The following ARHGAP18 variants were observed in gnomAD, a reference collection of about 807,000 sequenced individuals.
ARHGAP18 encodes rho GTPase-activating protein 18.
Under a neutral mutation model 86.2 loss-of-function variants are expected in ARHGAP18, and 67 were observed. The ratio of observed to expected loss-of-function variants is 0.78; its 90% CI spans 0.64 to 0.95. The LOEUF is 0.95. Ranked by LOEUF, ARHGAP18 falls within the 40% of genes least tolerant of loss-of-function variation. The pLI is 0.00. For synonymous variants in ARHGAP18, 283 were observed against 280.4 expected (o/e 1.01, Z -0.09); for missense variants, 691 against 780.4 (o/e 0.89, Z 1.37).
intron 1 of ARHGAP18, among the ~76,000 whole-genome samples, chr6:129,649,662 A>G (rs1026393110): frequency 2.0e-5 from 3 of 150,744 alleles, no homozygotes; most frequent in African/African-American, 7.3e-5. Flanking sequence ...CACTTTTGAC[A>G]GTGGGTAGAA....
In ARHGAP18 at chr6:129,710,051, G is replaced by A. The variant is rs748659488; in HGVS notation, c.86C>T (p.Ala29Val). ...CGAGGTGGCTTCCTCCCCTGCCTTT[G>A]CATGGCTGTTCCCGACGGTCTGGTC... ...GKDQTVGNSH[A>V]KAGEEATSSR... The change falls in exon 1 of 15, where the codon GCA becomes GTA. Residue 29 changes from alanine to valine, a missense_variant. By Grantham distance (64) the Ala-to-Val change is moderately conservative (BLOSUM62 0). Transcript: ENST00000368149. The A allele has an allele frequency of 2.5e-6, 4 of 1,614,094 alleles. No homozygotes were observed. In the South Asian group the frequency reaches 4.4e-5, roughly 18 times the overall value.
At chr6:129,675,809 C>T (rs1056144537) in intron 1 of ARHGAP18, among the ~76,000 whole-genome samples, 1 of 152,154 alleles carries the variant, frequency 6.6e-6, no homozygotes, top group Non-Finnish European at 1.5e-5. Context: ...CCTGAGCTGT[C>T]AATCAAATAG....
chr6:129,606,667 A>G (rs956732853), intron 9 of ARHGAP18, among the ~76,000 whole-genome samples: 1 of 152,206 alleles, frequency 6.6e-6, no homozygotes, highest in Non-Finnish European at 1.5e-5. Context: ...TTCCCACAGA[A>G]GGTAATTTAT....
At chr6:129,677,120 C>T (rs183605753) in intron 1 of ARHGAP18, among the ~76,000 whole-genome samples, 9 of 151,914 alleles carry the variant, frequency 5.9e-5, no homozygotes, top group African/African-American at 1.9e-4. Flanking sequence ...TGGCCGGGCG[C>T]GGTGGCTCAC....
At chr6:129,701,493 C>A (rs12197210) in intron 1 of ARHGAP18, among the ~76,000 whole-genome samples, 1 of 152,092 alleles carries the variant, frequency 6.6e-6, no homozygotes, top group African/African-American at 2.4e-5. Context: ...AAATTAAGGC[C>A]GGGCGCGGTG....
chr6:129,677,144 G>A (rs1194729490), intron 1 of ARHGAP18, among the ~76,000 whole-genome samples: 3 of 151,994 alleles, frequency 2.0e-5, no homozygotes, highest in South Asian at 4.1e-4. Flanking sequence ...TGTAATCCCA[G>A]CACTTTGGGA....
rs534842831 is a variant in ARHGAP18 at position 129,588,663 on chromosome 6, T to C, written c.1714-4551A>G. 3.3e-5 allele frequency among the ~76,000 whole-genome samples: 5 copies of C among 152,314 alleles called. No individual in the cohort carries two copies. The South Asian group carries it at 6.2e-4, about 19-fold the overall frequency. Reference sequence around the variant, plus strand: ...CTGAAGGACAATGGCCCTCCTCTTATAGCTCCACTAGGCAGTGTCCCAGTG... The same window carrying C: ...CTGAAGGACAATGGCCCTCCTCTTACAGCTCCACTAGGCAGTGTCCCAGTG... On this transcript the variant is annotated intron_variant, in intron 12 of 14. Coordinates refer to ENST00000368149, the MANE Select transcript of ARHGAP18 (RefSeq NM_033515.3).
intron 12 of ARHGAP18, among the ~76,000 whole-genome samples, chr6:129,589,043 A>G (rs1344773707): frequency 1.3e-5 from 2 of 152,160 alleles, no homozygotes; most frequent in African/African-American, 4.8e-5. Context: ...ACAGCAAACC[A>G]GTTCTCCCTC....
chr6:129,604,831 A>G (rs1788820100), intron 10 of ARHGAP18, among the ~76,000 whole-genome samples: 1 of 152,228 alleles, frequency 6.6e-6, no homozygotes, highest in African/African-American at 2.4e-5. Flanking sequence ...TAGCGGACGT[A>G]GCGTTTTACC....
At chr6:129,674,794 AG>A (rs1350914580) in intron 1 of ARHGAP18, among the ~76,000 whole-genome samples, 1 of 152,186 alleles carries the variant, frequency 6.6e-6, no homozygotes, top group African/African-American at 2.4e-5. Flanking sequence ...GTTTATGTTT[AG>A]TTAGCCCCTC....
chr6:129,638,703 T>C, intron 2 of ARHGAP18, 74 bp from the exon 3 acceptor site: 1 of 1,392,858 alleles, frequency 7.2e-7, no homozygotes, highest in Non-Finnish European at 9.8e-7. Context: ...CTGTTAAAAA[T>C]TCTTACTAAA....
chr6:129,594,746 A>T (rs972251108), intron 12 of ARHGAP18, among the ~76,000 whole-genome samples: 2 of 152,002 alleles, frequency 1.3e-5, no homozygotes, highest in African/African-American at 4.8e-5. Flanking sequence ...TTCACATCCA[A>T]CCAGTATCCA....
At chr6:129,609,757 C>T (rs2114459475) in intron 8 of ARHGAP18, among the ~76,000 whole-genome samples, 1 of 152,052 alleles carries the variant, frequency 6.6e-6, no homozygotes, top group South Asian at 2.1e-4. Context: ...GACACCAAAC[C>T]CAGGGGACAC....
intron 1 of ARHGAP18, among the ~76,000 whole-genome samples, chr6:129,685,335 C>T (rs1774406155): frequency 6.6e-6 from 1 of 151,904 alleles, no homozygotes; most frequent in Admixed American, 6.6e-5. Context: ...GGTAAAAACT[C>T]ATCTCTACTA....
At chr6:129,630,837 C>T (rs1773188045) in intron 4 of ARHGAP18, among the ~76,000 whole-genome samples, 1 of 152,064 alleles carries the variant, frequency 6.6e-6, no homozygotes, top group Admixed American at 6.6e-5. Context: ...GCAGTTTGTC[C>T]CTGACCTTGC....
intron 12 of ARHGAP18, among the ~76,000 whole-genome samples, chr6:129,597,351 G>T (rs2114444447): frequency 6.6e-6 from 1 of 152,078 alleles, no homozygotes; most frequent in South Asian, 2.1e-4. Flanking sequence ...GGCCAGGCTG[G>T]AGATGAGAAT....
rs549322735 is a variant in ARHGAP18, at chr6:129,634,479, G to T, written c.553-374C>A. Among the ~76,000 whole-genome samples, 16 of 152,190 alleles carry T rather than the reference G, an allele frequency of 1.1e-4. No homozygotes were observed. The East Asian group carries it at 1.9e-3, about 18-fold the overall frequency. ...TATCTGTACAGTGGAATATTATTTG[G>T]CTATAAACAGAAATGAAGTATTGAT... On this transcript the variant is annotated intron_variant, in intron 3 of 14. Coordinates refer to ENST00000368149, the MANE Select transcript of ARHGAP18 (RefSeq NM_033515.3).
At chr6:129,653,530 C>T (rs749359708) in intron 1 of ARHGAP18, among the ~76,000 whole-genome samples, 12 of 152,146 alleles carry the variant, frequency 7.9e-5, no homozygotes, top group Non-Finnish European at 1.3e-4. Context: ...AACTTCCAGC[C>T]AAGCAAATAA....
intron 12 of ARHGAP18, among the ~76,000 whole-genome samples, chr6:129,597,231 G>A (rs1235173226): frequency 2.6e-5 from 4 of 151,346 alleles, no homozygotes; most frequent in South Asian, 4.1e-4. Flanking sequence ...CTGCCTCCCA[G>A]GTTCAAGCGA....
Sources: allele counts gnomAD v4.1 joint callset (sites outside exome capture counted in the v4.1 genomes callset), GRCh38; gene constraint gnomAD v4.1.1; transcripts MANE v1.5; gene names NCBI Gene and HGNC (gene_info 2026-07-23, HGNC 2026-07-21).